The following MARCHF1 variants were observed in gnomAD, a reference collection of about 807,000 sequenced individuals.
MARCHF1 encodes E3 ubiquitin-protein ligase MARCHF1.
Under a neutral mutation model 54.2 loss-of-function variants are expected in MARCHF1, and 40 were observed. That is an observed-to-expected ratio of 0.74 (90% confidence interval 0.57 to 0.96). The LOEUF is 0.96. Among genes scored for constraint, MARCHF1 ranks in the 40% least tolerant of loss-of-function variants. The probability of loss-of-function intolerance (pLI) is 0.00; values close to 1 mark genes in which losing one functional copy is unlikely to be tolerated. For synonymous variants in MARCHF1, 236 were observed against 236.3 expected (o/e 1.00, Z 0.01); for missense variants, 586 against 656.5 (o/e 0.89, Z 1.17).
At chr4:163,661,825 C>A (rs1743352337) in intron 5 of MARCHF1, among the ~76,000 whole-genome samples, 1 of 152,034 alleles carries the variant, frequency 6.6e-6, no homozygotes, top group Admixed American at 6.6e-5. Context: ...CTTAATACTA[C>A]AGATTAGTTT....
At chr4:164,199,691 G>GAA (rs1560950940) in intron 1 of MARCHF1, among the ~76,000 whole-genome samples, 1 of 140,042 alleles carries the variant, frequency 7.1e-6, no homozygotes, top group East Asian at 2.0e-4. Context: ...CAGAGAGAGA[G>GAA]AGAGAGAGAG....
intron 1 of MARCHF1, among the ~76,000 whole-genome samples, chr4:164,239,474 C>T (rs1280775518): frequency 6.6e-6 from 1 of 151,888 alleles, no homozygotes; most frequent in African/African-American, 2.4e-5. Flanking sequence ...CTTTAGTATC[C>T]CTAGAGATCT....
chr4:163,565,466 T>C (rs942028146), intron 8 of MARCHF1, among the ~76,000 whole-genome samples: 5 of 152,216 alleles, frequency 3.3e-5, no homozygotes, highest in African/African-American at 1.2e-4. Context: ...TCCATGGCAA[T>C]ACAGGACCTT....
At chr4:163,968,056 G>T (rs1752478058) in intron 3 of MARCHF1, among the ~76,000 whole-genome samples, 1 of 152,058 alleles carries the variant, frequency 6.6e-6, no homozygotes, top group African/African-American at 2.4e-5. Flanking sequence ...TATTAATTAA[G>T]AATTCATAAA....
At chr4:164,342,435 C>T (rs888952965) in intron 1 of MARCHF1, among the ~76,000 whole-genome samples, 1 of 151,868 alleles carries the variant, frequency 6.6e-6, no homozygotes, top group African/African-American at 2.4e-5. Flanking sequence ...AAACTACACC[C>T]ATTAACTCGT....
intron 1 of MARCHF1, among the ~76,000 whole-genome samples, chr4:164,186,791 T>C (rs1361157514): frequency 6.6e-6 from 1 of 152,206 alleles, no homozygotes; most frequent in Non-Finnish European, 1.5e-5. Context: ...TCAGGTTCTT[T>C]GTAATATAAT....
chr4:164,346,125 T>G (rs112105691), intron 1 of MARCHF1, among the ~76,000 whole-genome samples: 206 of 152,304 alleles, frequency 1.4e-3, no homozygotes, highest in Non-Finnish European at 2.2e-3. Flanking sequence ...ACATTATTTC[T>G]TTGGGTATCA....
chr4:164,235,072 C>A (rs191844372), intron 1 of MARCHF1, among the ~76,000 whole-genome samples: 1 of 152,082 alleles, frequency 6.6e-6, no homozygotes, highest in South Asian at 2.1e-4. Flanking sequence ...TCCTCACACT[C>A]ATTAAAGAAG....
rs13353787 is a variant in MARCHF1, at chr4:164,036,370, G to C, written c.-247-47661C>G. ...TTGAATGACTGAAGCAAGCTGCTAG[G>C]AGTATCAGATAAAGAAAAATGACTA... On this transcript the variant is annotated intron_variant, in intron 2 of 9. Coordinates refer to ENST00000514618, the MANE Select transcript of MARCHF1 (RefSeq NM_001394959.1). Among the ~76,000 whole-genome samples the C allele has an allele frequency of 7.0e-3, 1,071 of 152,126 alleles. 14 individuals carry two copies. The highest frequency in any genetic ancestry group is 0.025 in the African/African-American group (1,019 of 41,494).
intron 2 of MARCHF1, among the ~76,000 whole-genome samples, chr4:164,105,189 C>G (rs974971372): frequency 1.0e-4 from 10 of 100,002 alleles, no homozygotes; most frequent in African/African-American, 2.7e-4. Flanking sequence ...GGCCATACTG[C>G]CCAAGGTAAT....
chr4:163,545,455 T>G (rs1166110833), intron 9 of MARCHF1, 141 bp downstream of exon 9: 2 of 693,000 alleles, frequency 2.9e-6, no homozygotes, highest in Admixed American at 3.2e-5. Flanking sequence ...ATAACATGAT[T>G]AGGGAAGAAT....
In MARCHF1 at chr4:163,528,462, C is replaced by CTTTA. The variant is rs1280672000; in HGVS notation, c.*285_*286insTAAA. The CTTTA allele has an allele frequency of 3.0e-5, 11 of 365,608 alleles. No individual in the cohort carries two copies. The highest frequency in any genetic ancestry group is 7.2e-4 in the Middle Eastern group (1 of 1,386). 22.6% of individuals were successfully genotyped at this position (365,608 alleles called of 1,614,324 possible). On this transcript the variant is annotated 3_prime_UTR_variant, in exon 10 of 10. Transcript: ENST00000514618. ...GGTCCATTTAATCTTTGATTACTGC[C>CTTTA]TAAAAGCATTCATTGCCCCAGTAGT...
rs116780678 is a variant in MARCHF1, at chr4:163,907,634, C to T, written c.-38-53465G>A. ...TTAATCAAATAAGATAATAATCATG[C>T]GTGAGAAAATGAAAGTTTAGATGAG... On this transcript the variant is annotated intron_variant, in intron 3 of 9. Transcript: ENST00000514618. Among the ~76,000 whole-genome samples the T allele has an allele frequency of 9.5e-3, 1,449 of 152,050 alleles. 22 individuals carry two copies. The highest frequency in any genetic ancestry group is 0.03 in the African/African-American group (1,236 of 41,500).
At chr4:163,529,133 C>G (rs1027854169) in intron 9 of MARCHF1, 87 bp from the exon 10 acceptor site, 10 of 926,624 alleles carry the variant, frequency 1.1e-5, no homozygotes, top group Non-Finnish European at 1.6e-5. Flanking sequence ...TTCAAAAGCC[C>G]GTGCTTGCCT....
intron 4 of MARCHF1, among the ~76,000 whole-genome samples, chr4:163,705,724 G>T (rs74505730): frequency 0.029 from 4,387 of 151,940 alleles, 76 homozygotes; most frequent in East Asian, 0.077. Context: ...AAAATATAAT[G>T]CTAATTGTTA....
At chr4:164,050,275 C>CAAAAAAAAAAAAAAA (rs34642436) in intron 2 of MARCHF1, among the ~76,000 whole-genome samples, 12 of 40,196 alleles carry the variant, frequency 3.0e-4, no homozygotes, top group East Asian at 2.1e-3. Context: ...ACACTGTCTC[C>CAAAAAAAAAAAAAAA]AAAAAAAAAA....
chr4:164,109,079 A>G (rs1755772874), intron 2 of MARCHF1, among the ~76,000 whole-genome samples: 1 of 152,038 alleles, frequency 6.6e-6, no homozygotes, highest in South Asian at 2.1e-4. Context: ...ACCATTGTTG[A>G]GCGTGAGATG....
intron 5 of MARCHF1, among the ~76,000 whole-genome samples, chr4:163,663,791 T>G (rs1743433166): frequency 6.6e-6 from 1 of 152,096 alleles, no homozygotes. Context: ...GATCTCATAT[T>G]CAGAAGTGAG....
chr4:164,205,521 C>T (rs187222755), intron 1 of MARCHF1, among the ~76,000 whole-genome samples: 167 of 152,064 alleles, frequency 1.1e-3, no homozygotes, highest in African/African-American at 3.7e-3. Context: ...AATTGATTGC[C>T]TAAGAAAAAG....
Sources: allele counts gnomAD v4.1 joint callset (sites outside exome capture counted in the v4.1 genomes callset), GRCh38; gene constraint gnomAD v4.1.1; transcripts MANE v1.5; gene names NCBI Gene and HGNC (gene_info 2026-07-23, HGNC 2026-07-21).